The following CRACD variants were observed in gnomAD, a reference collection of about 807,000 sequenced individuals.
CRACD encodes the protein capping protein inhibiting regulator of actin dynamics, also known as capping protein-inhibiting regulator of actin dynamics.
In CRACD, 56 loss-of-function variants were observed where a neutral mutation model predicts 106.8. The observed-to-expected ratio is 0.52, with a 90% CI of 0.42 to 0.66. CRACD has a LOEUF of 0.66. Among genes scored for constraint, CRACD ranks in the 30% least tolerant of loss-of-function variants. The probability of loss-of-function intolerance (pLI) is 0.00; values close to 1 mark genes in which losing one functional copy is unlikely to be tolerated. For synonymous variants in CRACD, 754 were observed against 670.8 expected, an observed-to-expected ratio of 1.12 and a Z score of -1.92; for missense variants, 1,730 against 1,623.2, an observed-to-expected ratio of 1.07 and a Z score of -1.13.
rs1745617470 is a variant in CRACD, at chr4:56,316,080, T to G, written c.2578T>G (p.Cys860Gly). 6.2e-7 allele frequency: 1 copy of G among 1,614,044 alleles called. No homozygotes were observed. Among genetic ancestry groups the G allele is most frequent in the Non-Finnish European group, 8.5e-7 (1 of 1,180,038 alleles). Residue 860 changes from cysteine to glycine, a missense_variant, in exon 8 of 11, where the codon TGC becomes GGC. This residue lies in a region of CRACD where 1,620 missense variants were observed against 1,481.6 expected (regional missense o/e 1.09). Coordinates refer to ENST00000682029, the MANE Select transcript of CRACD (RefSeq NM_001393381.1). ...GACCAACTATTCCTTGCGCTTCAAC[T>G]GCGACCAACAGGCAGAACAGAAGAA... ...RRTNYSLRFN[C>G]DQQAEQKKKK... is the part of the protein sequence containing the mutation.
chr4:56,108,463 C>G (rs936924570), intron 1 of CRACD, among the ~76,000 whole-genome samples: 24 of 152,186 alleles, frequency 1.6e-4, no homozygotes, highest in Admixed American at 1.4e-3. Flanking sequence ...CATGTAGGGA[C>G]AAGCCCTACG....
intron 2 of CRACD, among the ~76,000 whole-genome samples, chr4:56,238,102 T>TA (rs1382881386): frequency 6.6e-6 from 1 of 152,168 alleles, no homozygotes; most frequent in Non-Finnish European, 1.5e-5. Context: ...ACTGAGTACT[T>TA]AAAACAACAA....
At chr4:56,137,471 G>A (rs1156310029) in intron 1 of CRACD, among the ~76,000 whole-genome samples, 6 of 152,250 alleles carry the variant, frequency 3.9e-5, no homozygotes, top group East Asian at 1.9e-4. Flanking sequence ...AACAGTGGAC[G>A]AGGGGCATTC....
chr4:56,284,246 G>T (rs983257410), intron 3 of CRACD, among the ~76,000 whole-genome samples: 2 of 126,668 alleles, frequency 1.6e-5, no homozygotes, highest in Admixed American at 9.4e-5. Context: ...TTGAGCCCAG[G>T]AGTTTCAGAC....
At chr4:56,207,745 C>T (rs1039998345) in intron 2 of CRACD, among the ~76,000 whole-genome samples, 36 of 106,166 alleles carry the variant, frequency 3.4e-4, no homozygotes, top group African/African-American at 1.0e-3. Flanking sequence ...CTTGTTTTCT[C>T]ATATATATAT....
At chr4:56,170,720 A>G (rs1304172516) in intron 1 of CRACD, among the ~76,000 whole-genome samples, 1 of 152,132 alleles carries the variant, frequency 6.6e-6, no homozygotes, top group African/African-American at 2.4e-5. Context: ...GTGTGCCTGT[A>G]GTAGTCCCAG....
At chr4:56,302,254 C>T (rs189016564) in intron 4 of CRACD, among the ~76,000 whole-genome samples, 37 of 152,322 alleles carry the variant, frequency 2.4e-4, no homozygotes, top group African/African-American at 8.4e-4. Context: ...ATTTCAGCTA[C>T]AATGACCTTG....
intron 1 of CRACD, among the ~76,000 whole-genome samples, chr4:56,149,745 C>T (rs941152625): frequency 6.6e-6 from 1 of 152,200 alleles, no homozygotes; most frequent in Non-Finnish European, 1.5e-5. Flanking sequence ...ATAATTCTTT[C>T]AGATGAGCTG....
At chr4:56,310,354 G>A (rs1351281375) in intron 5 of CRACD, among the ~76,000 whole-genome samples, 1 of 152,192 alleles carries the variant, frequency 6.6e-6, no homozygotes, top group Non-Finnish European at 1.5e-5. Context: ...GCACCCCAGG[G>A]AAAGTGGCTG....
At chr4:56,152,177 T>G (rs1414353497) in intron 1 of CRACD, among the ~76,000 whole-genome samples, 1 of 149,588 alleles carries the variant, frequency 6.7e-6, no homozygotes, top group Admixed American at 6.6e-5. Context: ...GCCCAGCTAA[T>G]TTTTTGTATT....
chr4:56,136,352 G>T (rs1363041789), intron 1 of CRACD, among the ~76,000 whole-genome samples: 2 of 152,162 alleles, frequency 1.3e-5, no homozygotes, highest in Admixed American at 6.5e-5. Flanking sequence ...TTTCCATAGT[G>T]TCTGTGCCAT....
At chr4:56,267,932 C>T (rs1742124324) in intron 2 of CRACD, among the ~76,000 whole-genome samples, 1 of 152,220 alleles carries the variant, frequency 6.6e-6, no homozygotes, top group Admixed American at 6.5e-5. Flanking sequence ...CCTCCCAGTT[C>T]TCAGAACTAA....
At chr4:56,141,324 C>G (rs369782159) in intron 1 of CRACD, among the ~76,000 whole-genome samples, 3 of 152,138 alleles carry the variant, frequency 2.0e-5, no homozygotes, top group Non-Finnish European at 2.9e-5. Context: ...ACTGACTGAT[C>G]GTGAAACCCC....
chr4:56,298,257 A>C lies in CRACD; in HGVS notation c.28A>C (p.Ser10Arg). The change falls in exon 4 of 11, where the codon AGT becomes CGT. Residue 10 changes from serine to arginine, a missense_variant. This residue lies in a region of CRACD where 1,620 missense variants were observed against 1,481.6 expected (regional missense o/e 1.09). Transcript: ENST00000682029. MGTRAFSHD[S>R]IFIPDGGAES... ...GGGAACCCGGGCATTTTCCCATGACAGTATTTTTATCCCTGATGGGGGAGC... is the reference window on the plus strand; with the variant it reads ...GGGAACCCGGGCATTTTCCCATGACCGTATTTTTATCCCTGATGGGGGAGC... The C allele has an allele frequency of 6.2e-7, 1 of 1,614,170 alleles. No individual in the cohort carries two copies. Among genetic ancestry groups the C allele is most frequent in the Non-Finnish European group, 8.5e-7 (1 of 1,179,980 alleles).
intron 2 of CRACD, among the ~76,000 whole-genome samples, chr4:56,263,649 T>G (rs1741839841): frequency 1.3e-5 from 2 of 152,218 alleles, no homozygotes; most frequent in African/African-American, 2.4e-5. Flanking sequence ...TTAAAGACTC[T>G]ATCTCCAAAT....
At chr4:56,089,639 G>T (rs756919862) in intron 1 of CRACD, among the ~76,000 whole-genome samples, 1 of 151,568 alleles carries the variant, frequency 6.6e-6, no homozygotes, top group African/African-American at 2.4e-5. Context: ...TCAGCCTGCT[G>T]AGTAGCTGGG....
At chr4:56,128,448 G>A (rs991774963) in intron 1 of CRACD, among the ~76,000 whole-genome samples, 1 of 152,120 alleles carries the variant, frequency 6.6e-6, no homozygotes, top group African/African-American at 2.4e-5. Context: ...GGTGCCTTGT[G>A]TTATAGTTAA....
intron 2 of CRACD, among the ~76,000 whole-genome samples, chr4:56,223,646 A>T (rs1739161004): frequency 6.6e-6 from 1 of 152,192 alleles, no homozygotes; most frequent in Non-Finnish European, 1.5e-5. Context: ...CATTTTTATC[A>T]TATATGAAAT....
In CRACD at chr4:56,316,220, C is replaced by T; in HGVS notation, c.2718C>T (p.Leu906=). 1 of 1,614,068 alleles carries T rather than the reference C, an allele frequency of 6.2e-7. No homozygotes were observed. Among genetic ancestry groups the T allele is most frequent in the Non-Finnish European group, 8.5e-7 (1 of 1,179,922 alleles). The change falls in exon 8 of 11, where the codon CTC becomes CTT. Residue 906 remains leucine, a synonymous_variant. Coordinates refer to ENST00000682029, the MANE Select transcript of CRACD (RefSeq NM_001393381.1). The part of the protein sequence containing the change: ...EGVALKHGPS[L]PQERKQAPST... ...TGGCCCTCAAGCATGGTCCATCCCT[C>T]CCCCAAGAGCGGAAGCAAGCCCCTT...
Sources: allele counts gnomAD v4.1 joint callset (sites outside exome capture counted in the v4.1 genomes callset), GRCh38; gene constraint gnomAD v4.1.1; regional missense constraint gnomAD v4.1.1; transcripts MANE v1.5; gene names NCBI Gene and HGNC (gene_info 2026-07-23, HGNC 2026-07-21).